Variants in RNF38 observed in about 807,000 individuals in gnomAD.
RNF38 encodes the protein ring finger protein 38.
A neutral mutation model predicts 67.2 loss-of-function variants in RNF38; 15 were observed. That is an observed-to-expected ratio of 0.22 (90% CI 0.15 to 0.34). The LOEUF is 0.34. RNF38 is among the 10% of genes least tolerant of loss of function. RNF38 has a pLI of 1.00. For synonymous variants in RNF38, 220 were observed against 218.8 expected, an observed-to-expected ratio of 1.01 and a Z score of -0.05; for missense variants, 524 against 639.9, an observed-to-expected ratio of 0.82 and a Z score of 1.95.
chr9:36,447,140 A>AC (rs1839326545), intron 1 of RNF38, among the ~76,000 whole-genome samples: 1 of 151,916 alleles, frequency 6.6e-6, no homozygotes. Context: ...AAAAAAAAAA[A>AC]AATTTAAATC....
chr9:36,428,652 T>A (rs191121845), intron 1 of RNF38, among the ~76,000 whole-genome samples: 5 of 152,214 alleles, frequency 3.3e-5, no homozygotes, highest in Admixed American at 6.5e-5. Context: ...TATTCTGACC[T>A]TAGGCCTAAC....
chr9:36,446,294 T>C (rs898330665), intron 1 of RNF38, among the ~76,000 whole-genome samples: 1 of 152,122 alleles, frequency 6.6e-6, no homozygotes, highest in Admixed American at 6.6e-5. Context: ...AGGAAACCAG[T>C]TAATATGAAG....
At chr9:36,471,509 C>CAGTT (rs1183605922) in intron 1 of RNF38, among the ~76,000 whole-genome samples, 1 of 152,188 alleles carries the variant, frequency 6.6e-6, no homozygotes, top group African/African-American at 2.4e-5. Context: ...TTCTCCAACA[C>CAGTT]AGTTCCAGAA....
chr9:36,383,520 T>C (rs1485090430), intron 2 of RNF38, among the ~76,000 whole-genome samples: 1 of 152,182 alleles, frequency 6.6e-6, no homozygotes, highest in Non-Finnish European at 1.5e-5. Context: ...AAACTGAAAC[T>C]TTTTAAGGCA....
At chr9:36,341,329 A>G (rs1283975766) in intron 11 of RNF38, among the ~76,000 whole-genome samples, 2 of 152,208 alleles carry the variant, frequency 1.3e-5, no homozygotes, top group East Asian at 3.8e-4. Flanking sequence ...GTTTGGGCTA[A>G]ACTAGATCTC....
chr9:36,453,885 T>A (rs1047270712), intron 1 of RNF38, among the ~76,000 whole-genome samples: 2 of 152,190 alleles, frequency 1.3e-5, no homozygotes, highest in Non-Finnish European at 2.9e-5. Context: ...TAGAGATTCA[T>A]ACTGAAATAT....
At chr9:36,397,712 C>T (rs1427185521) in intron 1 of RNF38, among the ~76,000 whole-genome samples, 1 of 152,146 alleles carries the variant, frequency 6.6e-6, no homozygotes, top group Non-Finnish European at 1.5e-5. Context: ...GAAAGAAATC[C>T]TCTATCCATT....
intron 1 of RNF38, among the ~76,000 whole-genome samples, chr9:36,465,550 G>T (rs547554639): frequency 6.6e-6 from 1 of 152,094 alleles, no homozygotes; most frequent in South Asian, 2.1e-4. Context: ...TCTCCATGTT[G>T]GTCAGGCTGG....
intron 1 of RNF38, among the ~76,000 whole-genome samples, chr9:36,484,163 T>C (rs1298486900): frequency 2.0e-5 from 3 of 152,164 alleles, no homozygotes; most frequent in African/African-American, 7.2e-5. Flanking sequence ...TCTGGGTCCC[T>C]CCCTACACCT....
intron 2 of RNF38, among the ~76,000 whole-genome samples, chr9:36,386,128 C>T (rs532986518): frequency 2.0e-5 from 3 of 152,296 alleles, no homozygotes; most frequent in African/African-American, 7.2e-5. Flanking sequence ...GGCCTAACTA[C>T]GATGATTTAA....
In RNF38 at chr9:36,336,884, T is replaced by C. The variant is rs1162297717; in HGVS notation, c.*2868A>G. The C allele has an allele frequency of 6.6e-6, 1 of 152,216 alleles. No individual in the cohort carries two copies. The highest frequency in any genetic ancestry group is 1.5e-5 in the Non-Finnish European group (1 of 68,030). The allele number at this position is 152,216 out of a possible 1,614,324, so 9.4% of individuals were successfully genotyped here. ...TCAGATAGTATATAAAATCTAAATA[T>C]GCTTTCACATTTTCCAGATTTTGCT... On this transcript the variant is annotated 3_prime_UTR_variant, in exon 12 of 12. Coordinates refer to ENST00000259605, the MANE Select transcript of RNF38 (RefSeq NM_022781.5).
chr9:36,401,075 C>G (rs955926151), upstream of RNF38: 1 of 984,970 alleles, frequency 1.0e-6, no homozygotes, highest in Non-Finnish European at 1.2e-6. Context: ...CCCGTCCCAC[C>G]CCGTCCCCTC....
chr9:36,428,074 G>A (rs1339520917), intron 1 of RNF38, among the ~76,000 whole-genome samples: 1 of 151,584 alleles, frequency 6.6e-6, no homozygotes, highest in Non-Finnish European at 1.5e-5. Flanking sequence ...CCTAGACTAT[G>A]GTATTTGTTA....
rs1832573701 is a variant in RNF38, at chr9:36,338,053, A to AGTT, written c.*1696_*1698dup. The AGTT allele has an allele frequency of 6.5e-6, 1 of 152,682 alleles. No individual in the cohort carries two copies. The highest frequency in any genetic ancestry group is 6.5e-5 in the Admixed American group (1 of 15,280). The allele number at this position is 152,682 out of a possible 1,614,324, so 9.5% of individuals were successfully genotyped here. ...GAAAACTGACACAGAGCCAACTGAA[A>AGTT]GTTGAGTGGGGCTGGCAGCAAGTTA... On this transcript the variant is annotated 3_prime_UTR_variant, in exon 12 of 12. Coordinates refer to ENST00000259605, the MANE Select transcript of RNF38 (RefSeq NM_022781.5).
At chr9:36,485,847 G>A (rs763755059) in intron 1 of RNF38, among the ~76,000 whole-genome samples, 3 of 152,052 alleles carry the variant, frequency 2.0e-5, no homozygotes, top group Non-Finnish European at 4.4e-5. Flanking sequence ...AATACTCCAG[G>A]CCCTGTGGGT....
At chr9:36,356,127 G>C (rs948709256) in intron 6 of RNF38, among the ~76,000 whole-genome samples, 176 bp downstream of exon 6, 1 of 152,178 alleles carries the variant, frequency 6.6e-6, no homozygotes, top group African/African-American at 2.4e-5. Flanking sequence ...GATTACAGGA[G>C]TGAGTCACTG....
At chr9:36,415,070 C>T (rs1285108581) in intron 2 of RNF38, among the ~76,000 whole-genome samples, 4 of 152,076 alleles carry the variant, frequency 2.6e-5, no homozygotes, top group African/African-American at 4.8e-5. Context: ...TTGAGTTTCT[C>T]GTATTTGGAT....
intron 1 of RNF38, among the ~76,000 whole-genome samples, chr9:36,440,512 C>T (rs896548572): frequency 1.4e-5 from 2 of 145,908 alleles, no homozygotes; most frequent in Non-Finnish European, 3.0e-5. Context: ...GCCTGGGCAA[C>T]AAGAGCGAAA....
At chr9:36,401,339 T>C (rs1587621406), upstream of RNF38, 1 of 432,038 alleles carries the variant, frequency 2.3e-6, no homozygotes, top group Non-Finnish European at 2.9e-6. Flanking sequence ...CGCAGGGCCC[T>C]GTTCCAATTC....
Sources: allele counts gnomAD v4.1 joint callset (sites outside exome capture counted in the v4.1 genomes callset), GRCh38; gene constraint gnomAD v4.1.1; transcripts MANE v1.5; gene names NCBI Gene and HGNC (gene_info 2026-07-23, HGNC 2026-07-21).